The following TTLL5 variants were observed in gnomAD, a reference collection of about 807,000 sequenced individuals.
TTLL5 encodes tubulin tyrosine ligase like 5.
A neutral mutation model predicts 168.4 loss-of-function variants in TTLL5; 132 were observed. The ratio of observed to expected loss-of-function variants is 0.78; its 90% CI spans 0.68 to 0.91. The LOEUF is 0.91. TTLL5 is among the 40% of genes least tolerant of loss of function. The pLI is 0.00. For missense variants in TTLL5, 1,545 were observed against 1,581.5 expected (o/e 0.98, Z 0.39); for synonymous variants, 546 against 558.6 (o/e 0.98, Z 0.32).
At position 75,681,595 on chromosome 14, in the gene TTLL5, C is replaced by T. The variant is rs369997391; in HGVS notation, c.232C>T (p.Arg78Cys). 1.5e-5 allele frequency: 24 copies of T among 1,613,332 alleles called. No homozygotes were observed. The highest frequency in any genetic ancestry group is 1.3e-4 in the African/African-American group (10 of 74,868). ...TGTACGAACGGACAGTCGCCTAGTA[C>T]GCAGCATTCTGACAGCCCATGGATT... ...KIVRTDSRLV[R>C]SILTAHGFHE... The change falls in exon 4 of 32, where the codon CGC (arginine) becomes TGC (cysteine). Residue 78 changes from arginine (R) to cysteine (C), a missense_variant. Coordinates refer to ENST00000298832, the MANE Select transcript of TTLL5 (RefSeq NM_015072.5).
chr14:75,857,348 A>G (rs1031871631), intron 28 of TTLL5, among the ~76,000 whole-genome samples: 4 of 151,522 alleles, frequency 2.6e-5, no homozygotes, highest in Non-Finnish European at 4.4e-5. Flanking sequence ...TGGCCATGAT[A>G]TATTATCCTA....
intron 9 of TTLL5, among the ~76,000 whole-genome samples, chr14:75,714,588 TG>T (rs1393092243): frequency 6.6e-6 from 1 of 152,232 alleles, no homozygotes; most frequent in East Asian, 1.9e-4. Context: ...TTTTATTTAA[TG>T]GGTTATAATT....
intron 18 of TTLL5, chr14:75,757,983 T>A: frequency 1.8e-6 from 2 of 1,098,964 alleles, no homozygotes; most frequent in Non-Finnish European, 2.4e-6. Flanking sequence ...GCTTGAATAG[T>A]AACATAAAAA....
chr14:75,823,329 C>T (rs534715256), intron 28 of TTLL5, among the ~76,000 whole-genome samples: 1 of 152,302 alleles, frequency 6.6e-6, no homozygotes, highest in South Asian at 2.1e-4. Flanking sequence ...TCATTACTGC[C>T]AGCCTTCCAT....
chr14:75,954,378 C>G (rs1362622457), intron 31 of TTLL5, 46 bp from the exon 32 acceptor site: 1 of 1,608,714 alleles, frequency 6.2e-7, no homozygotes, highest in Non-Finnish European at 8.5e-7. Flanking sequence ...AGTAAAACCC[C>G]ATGCTGTCAT....
intron 27 of TTLL5, among the ~76,000 whole-genome samples, chr14:75,799,488 C>T (rs1465763458): frequency 6.6e-6 from 1 of 152,104 alleles, no homozygotes; most frequent in Non-Finnish European, 1.5e-5. Flanking sequence ...AGATGTGAGG[C>T]ACTATTCTGT....
chr14:75,885,672 G>A (rs912521224), intron 30 of TTLL5, among the ~76,000 whole-genome samples: 7 of 152,162 alleles, frequency 4.6e-5, no homozygotes, highest in East Asian at 1.9e-4. Flanking sequence ...CATGGCTCTC[G>A]AAATCAGGAT....
rs2034147440 is a variant in TTLL5 at position 75,928,342 on chromosome 14, C to CATATATATATATATATATCTATATATAT, written c.3824-26064_3824-26063insCTATATATATATATATATATATATATAT. ...CTCTGTGATGAATGAATGACAAAAA[C>CATATATATATATATATATCTATATATAT]ATATATATATATATATATATATATA... On this transcript the variant is annotated intron_variant, in intron 31 of 31. Coordinates refer to ENST00000298832, the MANE Select transcript of TTLL5 (RefSeq NM_015072.5). Among the ~76,000 whole-genome samples the CATATATATATATATATATCTATATATAT allele has an allele frequency of 1.5e-4, 12 of 82,004 alleles. 2 individuals are homozygous for CATATATATATATATATATCTATATATAT. In the South Asian group the frequency reaches 5.1e-3, roughly 35 times the overall value. 53.8% of individuals were successfully genotyped at this position (82,004 alleles called of 152,430 possible).
At chr14:75,950,587 G>A (rs1279004236) in intron 31 of TTLL5, among the ~76,000 whole-genome samples, 5 of 152,178 alleles carry the variant, frequency 3.3e-5, no homozygotes, top group African/African-American at 7.2e-5. Context: ...GTACGATGCC[G>A]ATCATTATCA....
chr14:75,843,406 A>G (rs1420340605), intron 28 of TTLL5, among the ~76,000 whole-genome samples: 2 of 152,220 alleles, frequency 1.3e-5, no homozygotes, highest in Non-Finnish European at 2.9e-5. Flanking sequence ...CCAAGGAGGG[A>G]GAAGGAAAGG....
At chr14:75,790,175 C>T (rs1892615482) in intron 26 of TTLL5, among the ~76,000 whole-genome samples, 1 of 152,148 alleles carries the variant, frequency 6.6e-6, no homozygotes, top group African/African-American at 2.4e-5. Context: ...CCCTGCCTCA[C>T]ACCATGTATA....
intron 28 of TTLL5, among the ~76,000 whole-genome samples, chr14:75,823,726 T>A (rs1894963043): frequency 6.6e-6 from 1 of 152,234 alleles, no homozygotes; most frequent in South Asian, 2.1e-4. Context: ...TTGTTCCTAC[T>A]TTTTTGTGAT....
Position 75,709,078 on chromosome 14 carries a change from C to G in TTLL5, c.740+1371C>G, listed in dbSNP as rs749343456. On this transcript the variant is annotated intron_variant, in intron 9 of 31. Transcript: ENST00000298832. ...TGCAGCCTGTGGGCCTCAGGTTGGA[C>G]AAGCTTGTTATAAAGCATAGCAGTT... is the stretch of plus-strand genomic sequence containing the variant. 238 of 668,476 alleles carry G rather than the reference C, an allele frequency of 3.6e-4. 4 individuals are homozygous for G. Among genetic ancestry groups the G allele is most frequent in the Non-Finnish European group, 3.1e-4 (115 of 368,922 alleles). The allele number at this position is 668,476 out of a possible 1,614,324, so 41.4% of individuals were successfully genotyped here.
intron 31 of TTLL5, among the ~76,000 whole-genome samples, chr14:75,938,823 CA>C (rs1354431185): frequency 6.6e-6 from 1 of 152,170 alleles, no homozygotes; most frequent in Non-Finnish European, 1.5e-5. Flanking sequence ...TCATCCCTAG[CA>C]CATGAGATCT....
intron 19 of TTLL5, 112 bp downstream of exon 19, chr14:75,764,884 C>A (rs1890868538): frequency 6.6e-6 from 8 of 1,217,304 alleles, no homozygotes; most frequent in Non-Finnish European, 9.1e-6. Flanking sequence ...TCACATACAC[C>A]TTTTTTATAT....
At chr14:75,775,202 G>C (rs1402943189) in intron 21 of TTLL5, among the ~76,000 whole-genome samples, 3 of 151,890 alleles carry the variant, frequency 2.0e-5, no homozygotes, top group Non-Finnish European at 4.4e-5. Context: ...ATGTACTGTG[G>C]TACTTTTACA....
chr14:75,753,311 TA>T (rs1489590664), intron 18 of TTLL5, among the ~76,000 whole-genome samples: 1 of 152,210 alleles, frequency 6.6e-6, no homozygotes, highest in African/African-American at 2.4e-5. Flanking sequence ...ATACTAGAAT[TA>T]TCAGATTGGA....
rs566688052 is a variant in TTLL5, at chr14:75,909,547, C to T, written c.3823+7323C>T. Among the ~76,000 whole-genome samples, 9 of 152,160 alleles carry T rather than the reference C, an allele frequency of 5.9e-5. No individual in the cohort carries two copies. The East Asian group carries it at 1.2e-3, about 20-fold the overall frequency. Reference sequence around the variant, plus strand: ...CCTCTCTGGGAGCTGTCAGAATAAACGATACCTTCCTTCGGAGCCTTGTTT... The same window carrying T: ...CCTCTCTGGGAGCTGTCAGAATAAATGATACCTTCCTTCGGAGCCTTGTTT... On this transcript the variant is annotated intron_variant, in intron 31 of 31. Transcript: ENST00000298832.
At chr14:75,852,625 G>A (rs1215135527) in intron 28 of TTLL5, among the ~76,000 whole-genome samples, 1 of 152,066 alleles carries the variant, frequency 6.6e-6, no homozygotes, top group Non-Finnish European at 1.5e-5. Context: ...AAGCAGAAGA[G>A]AGTATACTCT....
Sources: gnomAD v4.1 joint callset for allele counts (sites outside exome capture counted in the v4.1 genomes callset) on GRCh38, gnomAD v4.1.1 for gene constraint, MANE v1.5 for transcripts, NCBI Gene and HGNC (gene_info 2026-07-23, HGNC 2026-07-21) for gene names.